RMDN2: variants seen among roughly 807,000 people sequenced by gnomAD.
RMDN2 encodes the protein regulator of microtubule dynamics 2, also known as regulator of microtubule dynamics protein 2.
RMDN2 carries 61 observed loss-of-function variants against 52.8 expected under a neutral mutation model. That is an observed-to-expected ratio of 1.16 (90% CI 0.94 to 1.43). The LOEUF (loss-of-function observed/expected upper bound fraction) is 1.43. Ranked by LOEUF, RMDN2 falls within the 40% of genes most tolerant of loss-of-function variation. The probability of loss-of-function intolerance (pLI) is 0.00; values close to 1 mark genes in which losing one functional copy is unlikely to be tolerated. For synonymous variants in RMDN2, 180 were observed against 153.1 expected (o/e 1.18, Z -1.30); for missense variants, 592 against 475.3 (o/e 1.25, Z -2.28).
chr2:37,999,448 A>G (rs979878182), intron 8 of RMDN2, among the ~76,000 whole-genome samples: 35 of 152,162 alleles, frequency 2.3e-4, no homozygotes, highest in African/African-American at 8.2e-4. Flanking sequence ...CACCTCAGCA[A>G]ACCATCTTGG....
At chr2:38,010,336 C>T (rs1228844092) in intron 10 of RMDN2, among the ~76,000 whole-genome samples, 2 of 152,230 alleles carry the variant, frequency 1.3e-5, no homozygotes, top group Non-Finnish European at 1.5e-5. Context: ...AGGCAGGCCT[C>T]CTTGAGCTGT....
intron 5 of RMDN2, 26 bp from the exon 6 acceptor site, chr2:37,989,515 T>G: frequency 6.4e-7 from 1 of 1,555,750 alleles, no homozygotes; most frequent in Non-Finnish European, 8.8e-7. Flanking sequence ...GTGGCCACTG[T>G]TTTTGTCTGT....
intron 2 of RMDN2, among the ~76,000 whole-genome samples, chr2:37,957,033 A>G (rs1297399919): frequency 3.3e-5 from 5 of 151,920 alleles, no homozygotes; most frequent in Non-Finnish European, 2.9e-5. Flanking sequence ...TATGTGCCAC[A>G]TTTTCTTTAT....
At position 38,039,089 on chromosome 2, in the gene RMDN2, CACACAGAGAGAG is replaced by C. The variant is rs888138864; in HGVS notation, c.1714-27891_1714-27880del. Among the ~76,000 whole-genome samples, 51 of 111,358 alleles carry C rather than the reference CACACAGAGAGAG, an allele frequency of 4.6e-4. 1 individual carries two copies. Among genetic ancestry groups the C allele is most frequent in the Middle Eastern group, 4.0e-3 (1 of 252 alleles). 73.1% of individuals were successfully genotyped at this position (111,358 alleles called of 152,430 possible). On this transcript the variant is annotated intron_variant, in intron 10 of 10. Transcript: ENST00000234195. ...ACACACACACACACACACACACACA[CACACAGAGAGAG>C]AGATAAAATGTTCATGGATTAAGAT...
At chr2:38,038,035 C>T (rs1019626641) in intron 10 of RMDN2, among the ~76,000 whole-genome samples, 1 of 152,150 alleles carries the variant, frequency 6.6e-6, no homozygotes, top group African/African-American at 2.4e-5. Context: ...GCCTGACCTC[C>T]GAGGCTCCTG....
intron 2 of RMDN2, among the ~76,000 whole-genome samples, chr2:37,940,153 C>G (rs1212986061): frequency 6.6e-6 from 1 of 152,152 alleles, no homozygotes; most frequent in Non-Finnish European, 1.5e-5. Context: ...CTTAGTTTGG[C>G]TCGATATGAA....
chr2:37,988,812 A>G (rs1203049822), intron 5 of RMDN2, among the ~76,000 whole-genome samples: 5 of 152,186 alleles, frequency 3.3e-5, no homozygotes, highest in Admixed American at 1.3e-4. Context: ...CATATCTTCA[A>G]TTTTTCCAGT....
intron 2 of RMDN2, among the ~76,000 whole-genome samples, chr2:37,943,426 A>G (rs1667965143): frequency 6.6e-6 from 1 of 152,256 alleles, no homozygotes; most frequent in African/African-American, 2.4e-5. Flanking sequence ...ATCCCGGTTC[A>G]GCCTTTAACT....
At chr2:38,038,720 G>A (rs1680758851) in intron 10 of RMDN2, among the ~76,000 whole-genome samples, 1 of 152,162 alleles carries the variant, frequency 6.6e-6, no homozygotes, top group African/African-American at 2.4e-5. Flanking sequence ...TAGAAGGTGG[G>A]TTGATTACAC....
chr2:37,956,806 T>G (rs1669531933), intron 2 of RMDN2, among the ~76,000 whole-genome samples: 2 of 151,978 alleles, frequency 1.3e-5, no homozygotes, highest in Non-Finnish European at 2.9e-5. Flanking sequence ...CCCCTCCCCT[T>G]GCTCCCCACC....
At chr2:37,949,403 G>A (rs1668516184) in intron 2 of RMDN2, among the ~76,000 whole-genome samples, 1 of 152,168 alleles carries the variant, frequency 6.6e-6, no homozygotes, top group African/African-American at 2.4e-5. Flanking sequence ...GAAGGCAAGT[G>A]TCCTTGGGCC....
At chr2:38,048,073 G>A (rs971942511) in intron 10 of RMDN2, among the ~76,000 whole-genome samples, 2 of 152,200 alleles carry the variant, frequency 1.3e-5, no homozygotes, top group African/African-American at 4.8e-5. Context: ...TGAAATCAAA[G>A]TTTCAGATCT....
At chr2:37,949,862 T>A (rs1014432003) in intron 2 of RMDN2, 1 of 153,550 alleles carries the variant, frequency 6.5e-6, no homozygotes, top group Non-Finnish European at 1.4e-5. Flanking sequence ...GGACAGTGTT[T>A]CTTTTCTAAT....
At chr2:37,925,226 G>A (rs1228395843), upstream of RMDN2, 4 of 152,324 alleles carry the variant, frequency 2.6e-5, no homozygotes, top group Non-Finnish European at 5.9e-5. Flanking sequence ...CACCACGAGA[G>A]GGAGAGGGGG....
chr2:37,936,269 G>A (rs909887821), intron 2 of RMDN2, among the ~76,000 whole-genome samples: 1 of 152,192 alleles, frequency 6.6e-6, no homozygotes, highest in African/African-American at 2.4e-5. Flanking sequence ...TAGTGTGTAT[G>A]TGACACATTT....
chr2:38,049,075 G>A (rs1681441062), intron 10 of RMDN2, among the ~76,000 whole-genome samples: 1 of 152,158 alleles, frequency 6.6e-6, no homozygotes, highest in South Asian at 2.1e-4. Context: ...CTAGTCTGTA[G>A]AATATGGAAA....
At chr2:38,052,490 T>C (rs1246729004) in intron 10 of RMDN2, among the ~76,000 whole-genome samples, 5 of 152,226 alleles carry the variant, frequency 3.3e-5, no homozygotes, top group African/African-American at 4.8e-5. Context: ...TTCATTCTGT[T>C]GATTGTTTCC....
At chr2:37,978,192 T>C (rs1195803424) in intron 4 of RMDN2, among the ~76,000 whole-genome samples, 1 of 151,934 alleles carries the variant, frequency 6.6e-6, no homozygotes, top group Non-Finnish European at 1.5e-5. Context: ...TGGTGATGCG[T>C]GCCTGCAATC....
chr2:38,043,679 C>T (rs1681099813), intron 10 of RMDN2, among the ~76,000 whole-genome samples: 1 of 151,882 alleles, frequency 6.6e-6, no homozygotes, highest in Admixed American at 6.6e-5. Context: ...TTGTGGTTGT[C>T]CTATGGTTTG....
Sources: allele counts gnomAD v4.1 joint callset (sites outside exome capture counted in the v4.1 genomes callset), GRCh38; gene constraint gnomAD v4.1.1; transcripts MANE v1.5; gene names NCBI Gene and HGNC (gene_info 2026-07-23, HGNC 2026-07-21).